Variants in RPS6KA2 observed in about 807,000 individuals in gnomAD.
RPS6KA2 encodes ribosomal protein S6 kinase A2.
In RPS6KA2, 42 loss-of-function variants were observed where a neutral mutation model predicts 91.8. The ratio of observed to expected loss-of-function variants is 0.46; its 90% CI spans 0.36 to 0.59. The LOEUF is 0.59. RPS6KA2 is among the 20% of genes least tolerant of loss of function. The pLI is 0.00. For missense variants in RPS6KA2, 798 were observed against 978.5 expected, an observed-to-expected ratio of 0.82 and a Z score of 2.46; for synonymous variants, 414 against 393.6, an observed-to-expected ratio of 1.05 and a Z score of -0.61.
chr6:166,774,622 A>C (rs1778565342), intron 2 of RPS6KA2, among the ~76,000 whole-genome samples: 1 of 152,150 alleles, frequency 6.6e-6, no homozygotes, highest in Non-Finnish European at 1.5e-5. Flanking sequence ...TAGGCAAGTC[A>C]TTGGACTCCT....
At chr6:166,723,565 T>C (rs1200414930) in intron 2 of RPS6KA2, among the ~76,000 whole-genome samples, 2 of 152,112 alleles carry the variant, frequency 1.3e-5, no homozygotes, top group Admixed American at 6.5e-5. Flanking sequence ...AATACGTAAA[T>C]ACAAACAGAA....
At chr6:166,659,499 T>C (rs1788097205) in intron 2 of RPS6KA2, among the ~76,000 whole-genome samples, 1 of 152,194 alleles carries the variant, frequency 6.6e-6, no homozygotes, top group Admixed American at 6.5e-5. Context: ...AAAGAAAGTA[T>C]TTGCTTCCAA....
At chr6:166,692,389 C>A (rs970711744) in intron 2 of RPS6KA2, among the ~76,000 whole-genome samples, 2 of 152,024 alleles carry the variant, frequency 1.3e-5, no homozygotes, top group African/African-American at 2.4e-5. Context: ...TCTGTCGAAC[C>A]CAGGGACCAG....
intron 2 of RPS6KA2, among the ~76,000 whole-genome samples, chr6:166,856,561 T>C (rs1209544946): frequency 6.6e-6 from 1 of 151,976 alleles, no homozygotes; most frequent in Non-Finnish European, 1.5e-5. Flanking sequence ...GAATGAAGAG[T>C]CTGCTCCACC....
Position 166,493,860 on chromosome 6 carries a change from C to T in RPS6KA2, c.748-3119G>A, listed in dbSNP as rs1032812985. On this transcript the variant is annotated intron_variant, in intron 8 of 20. Coordinates refer to ENST00000265678, the MANE Select transcript of RPS6KA2 (RefSeq NM_021135.6). This position sits in a 1 kb window ranked among gnomAD's most constrained non-coding sequence, Gnocchi z 4.7. ...CCCACAACAAGGAAGTGTCCAGTCC[C>T]GACCTCAACAGTGCTGGCTGAGAAG... is the stretch of plus-strand genomic sequence containing the variant. Among the ~76,000 whole-genome samples the T allele has an allele frequency of 2.0e-5, 3 of 152,274 alleles. No individual in the cohort carries two copies. Among genetic ancestry groups the T allele is most frequent in the South Asian group, 2.1e-4 (1 of 4,818 alleles).
At position 166,624,100 on chromosome 6, in the gene RPS6KA2, A is replaced by C. The variant is rs139445697; in HGVS notation, c.99+2821T>G. ...TCATTATTTAAAAAAATAAAAAATG[A>C]AAATAAATAAAATCAAGTATGAAAA... On this transcript the variant is annotated intron_variant, in intron 1 of 20. Coordinates refer to ENST00000265678, the MANE Select transcript of RPS6KA2 (RefSeq NM_021135.6). 1.7e-3 allele frequency among the ~76,000 whole-genome samples: 254 copies of C among 152,350 alleles called. 1 individual carries two copies. Among genetic ancestry groups the C allele is most frequent in the African/African-American group, 5.8e-3 (241 of 41,584 alleles).
At chr6:166,695,174 C>T (rs1402319271) in intron 2 of RPS6KA2, among the ~76,000 whole-genome samples, 1 of 152,098 alleles carries the variant, frequency 6.6e-6, no homozygotes, top group African/African-American at 2.4e-5. Context: ...AGACTTGAAC[C>T]CAGGTTGGAG....
At chr6:166,613,485 T>A (rs1262450463) in intron 1 of RPS6KA2, among the ~76,000 whole-genome samples, 1 of 152,164 alleles carries the variant, frequency 6.6e-6, no homozygotes, top group Non-Finnish European at 1.5e-5. Flanking sequence ...CACCCTGAGC[T>A]ACTCACCCTG....
chr6:166,779,225 G>C (rs762135210), intron 2 of RPS6KA2, among the ~76,000 whole-genome samples: 4 of 152,182 alleles, frequency 2.6e-5, no homozygotes, highest in Non-Finnish European at 5.9e-5. Flanking sequence ...GTGCAACAGA[G>C]CTCTGTCATC....
At chr6:166,771,946 G>C (rs1778483010) in intron 2 of RPS6KA2, among the ~76,000 whole-genome samples, 1 of 152,194 alleles carries the variant, frequency 6.6e-6, no homozygotes. Context: ...TCTCGCCTCA[G>C]CCTACACCTC....
intron 6 of RPS6KA2, 116 bp from the exon 7 acceptor site, chr6:166,501,040 C>G: frequency 1.2e-6 from 1 of 866,904 alleles, no homozygotes; most frequent in South Asian, 1.5e-5. Context: ...TCAGGGAGCC[C>G]TGATGGAGCT....
chr6:166,696,269 C>T lies in RPS6KA2; in HGVS notation c.124-157485G>A, dbSNP rs1033484761. Among the ~76,000 whole-genome samples, 8 of 151,950 alleles carry T rather than the reference C, an allele frequency of 5.3e-5. No homozygotes were observed. In the East Asian group the frequency reaches 5.8e-4, roughly 11 times the overall value. On this transcript the variant is annotated intron_variant, in intron 2 of 21. Transcript: ENST00000503859. ...TGGGTGGTAGTCTATCAGCTGGGTG[C>T]GGACTGAATCAATACGGGGGTGATC...
chr6:166,544,982 G>C (rs1783779007), intron 1 of RPS6KA2, among the ~76,000 whole-genome samples: 1 of 152,200 alleles, frequency 6.6e-6, no homozygotes, highest in Non-Finnish European at 1.5e-5. Context: ...GTGAAACAAA[G>C]ATGGCTTAAT....
intron 2 of RPS6KA2, among the ~76,000 whole-genome samples, chr6:166,797,210 C>T (rs545038373): frequency 9.2e-5 from 14 of 152,300 alleles, no homozygotes; most frequent in Admixed American, 4.6e-4. Context: ...GGAGGCACCC[C>T]ACATCCGTGC....
chr6:166,608,111 CT>C (rs1786019655), intron 1 of RPS6KA2, among the ~76,000 whole-genome samples: 1 of 152,020 alleles, frequency 6.6e-6, no homozygotes, highest in African/African-American at 2.4e-5. Context: ...ACACATCTAG[CT>C]TTCATTCTGA....
chr6:166,485,365 C>T (rs921476595), intron 10 of RPS6KA2, among the ~76,000 whole-genome samples: 1 of 152,132 alleles, frequency 6.6e-6, no homozygotes, highest in African/African-American at 2.4e-5. Flanking sequence ...GCATTGCAAA[C>T]TCGATTCTAA....
chr6:166,623,743 C>T (rs1362608678), intron 1 of RPS6KA2, among the ~76,000 whole-genome samples: 1 of 152,212 alleles, frequency 6.6e-6, no homozygotes, highest in Non-Finnish European at 1.5e-5. Context: ...AGACCTGACA[C>T]CTTTCTGGGG....
chr6:166,860,591 GC>G (rs1781024091), intron 1 of RPS6KA2, among the ~76,000 whole-genome samples: 1 of 152,138 alleles, frequency 6.6e-6, no homozygotes, highest in African/African-American at 2.4e-5. Context: ...GAATTGTAAA[GC>G]CCCTGGCCCC....
At chr6:166,812,987 C>T (rs1779676871) in intron 2 of RPS6KA2, among the ~76,000 whole-genome samples, 1 of 152,096 alleles carries the variant, frequency 6.6e-6, no homozygotes, top group African/African-American at 2.4e-5. Context: ...GGGGTTTTTT[C>T]TCCAGATAAC....
Sources: allele counts gnomAD v4.1 joint callset (sites outside exome capture counted in the v4.1 genomes callset), GRCh38; gene constraint gnomAD v4.1.1; non-coding constraint Gnocchi (gnomAD v3.1); transcripts MANE v1.5; gene names NCBI Gene and HGNC (gene_info 2026-07-23, HGNC 2026-07-21).